NUDT6: variants seen among roughly 807,000 people sequenced by gnomAD.
NUDT6 encodes the protein FAD diphosphatase NUDT6.
In NUDT6, 24 loss-of-function variants were observed where a neutral mutation model predicts 36.8. The observed-to-expected ratio is 0.65, with a 90% CI of 0.47 to 0.92. The LOEUF (loss-of-function observed/expected upper bound fraction) is 0.92, where lower values mean the gene tolerates loss of function less well. Among genes scored for constraint, NUDT6 ranks in the 40% least tolerant of loss-of-function variants. NUDT6 has a pLI of 0.00. For synonymous variants in NUDT6, 163 were observed against 157.0 expected (o/e 1.04, Z -0.29); for missense variants, 388 against 392.8 (o/e 0.99, Z 0.10).
chr4:122,922,798 C>T, upstream of NUDT6: 1 of 580,344 alleles, frequency 1.7e-6, no homozygotes, highest in Non-Finnish European at 3.0e-6. Flanking sequence ...CACCGCCACT[C>T]ACTTATTTTG....
intron 3 of NUDT6, among the ~76,000 whole-genome samples, chr4:122,900,270 T>G: frequency 6.6e-6 from 1 of 151,470 alleles, no homozygotes; most frequent in Admixed American, 6.6e-5. Flanking sequence ...CTTTCTACAA[T>G]TTTTGCCACC....
Position 122,892,638 on chromosome 4 carries a change from C to G in NUDT6, c.*190G>C, listed in dbSNP as rs1391888480. On this transcript the variant is annotated 3_prime_UTR_variant, in exon 5 of 5. Transcript: ENST00000304430. ...GTTACCCAGTGAAGCTTACCTAGAG[C>G]AATGATCTTTTTCACGCATTTGCTT... 3.9e-5 allele frequency: 55 copies of G among 1,419,322 alleles called. 1 individual carries two copies. In the East Asian group the frequency reaches 1.4e-3, roughly 36 times the overall value. The allele number at this position is 1,419,322 out of a possible 1,614,324, so 87.9% of individuals were successfully genotyped here. A position where few individuals can be genotyped will look rare whatever the true frequency, so the allele number is the denominator to read the frequency against.
chr4:122,904,014 A>G (rs1727571619), intron 3 of NUDT6, among the ~76,000 whole-genome samples: 1 of 152,134 alleles, frequency 6.6e-6, no homozygotes. Flanking sequence ...CATAATGATG[A>G]CTCTAAACTG....
At chr4:122,901,329 C>T (rs918513245) in intron 3 of NUDT6, among the ~76,000 whole-genome samples, 1 of 151,714 alleles carries the variant, frequency 6.6e-6, no homozygotes, top group Admixed American at 6.6e-5. Context: ...GGTATAGTAT[C>T]CTTTTAACTT....
chr4:122,907,033 G>A (rs1727629234), intron 3 of NUDT6, among the ~76,000 whole-genome samples: 1 of 152,170 alleles, frequency 6.6e-6, no homozygotes, highest in African/African-American at 2.4e-5. Context: ...TCATGAATAA[G>A]CCAACACTTG....
At position 122,906,633 on chromosome 4, in the gene NUDT6, G is replaced by T. The variant is rs560071881; in HGVS notation, c.498+5935C>A. ...GTGTTTAGAAGTATAGTTGTCAGAG[G>T]TGTTTAAATCAGAGTGACCCCATCT... On this transcript the variant is annotated intron_variant, in intron 3 of 4. Coordinates refer to ENST00000304430, the MANE Select transcript of NUDT6 (RefSeq NM_007083.5). Among the ~76,000 whole-genome samples, 38 of 152,262 alleles carry T rather than the reference G, an allele frequency of 2.5e-4. No homozygotes were observed. In the Middle Eastern group the frequency reaches 0.01, roughly 41 times the overall value.
Position 122,922,467 on chromosome 4 carries a change from C to G in NUDT6, c.106G>C (p.Val36Leu), listed in dbSNP as rs540881904. The change falls in exon 1 of 5, where the codon GTG becomes CTG. Residue 36 changes from valine to leucine, a missense_variant. By Grantham distance (32) the Val-to-Leu change is conservative (BLOSUM62 1). Transcript: ENST00000304430. ...YRWASGAQGYVRNPPVGACDL... is the reference protein window; with the variant it reads ...YRWASGAQGYLRNPPVGACDL... Reference sequence around the variant, plus strand: ...CACGCTCCAACTGGCGGATTCCGCACGTAACCCTGTGCGCCCGAGGCCCAG... The same window carrying G: ...CACGCTCCAACTGGCGGATTCCGCAGGTAACCCTGTGCGCCCGAGGCCCAG... The G allele has an allele frequency of 8.7e-5, 141 of 1,612,028 alleles. 2 individuals carry two copies. In the South Asian group the frequency reaches 1.3e-3, roughly 15 times the overall value.
At chr4:122,895,483 T>G (rs77571189) in intron 4 of NUDT6, 1 of 152,198 alleles carries the variant, frequency 6.6e-6, no homozygotes. Flanking sequence ...GAATGTGGGT[T>G]TTCCTGGTGT....
chr4:122,917,978 C>T (rs1461773533), intron 1 of NUDT6: 2 of 402,718 alleles, frequency 5.0e-6, no homozygotes, highest in South Asian at 3.0e-5. Flanking sequence ...TGGCACGTAA[C>T]AGATGTTCTG....
chr4:122,922,733 C>T (rs1410623006), upstream of NUDT6: 5 of 630,160 alleles, frequency 7.9e-6, no homozygotes, highest in Non-Finnish European at 1.3e-5. Flanking sequence ...AGTGGTCCAC[C>T]AGCCCTTCTC....
chr4:122,910,190 T>C (rs1727705006), intron 3 of NUDT6, among the ~76,000 whole-genome samples: 1 of 152,194 alleles, frequency 6.6e-6, no homozygotes. Context: ...AATTCTTTCC[T>C]TTTCAATTAC....
At chr4:122,921,023 C>T (rs953578005) in intron 1 of NUDT6, 4 of 152,230 alleles carry the variant, frequency 2.6e-5, no homozygotes, top group East Asian at 1.9e-4. Context: ...TTATAAAACC[C>T]TCAGAGGCCG....
chr4:122,913,358 A>G (rs886523302), intron 2 of NUDT6: 5 of 152,126 alleles, frequency 3.3e-5, no homozygotes, highest in African/African-American at 1.2e-4. Flanking sequence ...AAGGACACTA[A>G]TCCCATTCAT....
At chr4:122,916,057 T>C (rs1199491552) in intron 2 of NUDT6, among the ~76,000 whole-genome samples, 2 of 152,190 alleles carry the variant, frequency 1.3e-5, no homozygotes, top group African/African-American at 4.8e-5. Context: ...CTTACTATTA[T>C]AGTTTTTCTA....
At chr4:122,894,976 G>A (rs1727306408) in intron 4 of NUDT6, 1 of 152,162 alleles carries the variant, frequency 6.6e-6, no homozygotes, top group African/African-American at 2.4e-5. Flanking sequence ...CACTGGATGG[G>A]GGTAGTGAGC....
intron 1 of NUDT6, chr4:122,921,985 T>C (rs911194602): frequency 7.8e-6 from 2 of 256,192 alleles, no homozygotes; most frequent in African/African-American, 4.4e-5. Flanking sequence ...ATGTGCATTA[T>C]CCAAATTAAC....
intron 1 of NUDT6, 151 bp downstream of exon 1, chr4:122,922,184 G>T: frequency 1.7e-6 from 1 of 585,820 alleles, no homozygotes; most frequent in Non-Finnish European, 2.8e-6. Context: ...AAGCACGAAT[G>T]CTCCAGAAAA....
In NUDT6 at chr4:122,892,631, C is replaced by CCTAG; in HGVS notation, c.*193_*196dup. The CCTAG allele has an allele frequency of 7.0e-7, 1 of 1,424,912 alleles. No homozygotes were observed. Among genetic ancestry groups the CCTAG allele is most frequent in the Non-Finnish European group, 9.2e-7 (1 of 1,091,452 alleles). The allele number at this position is 1,424,912 out of a possible 1,614,324, so 88.3% of individuals were successfully genotyped here. ...ATCTGCTGTTACCCAGTGAAGCTTA[C>CCTAG]CTAGAGCAATGATCTTTTTCACGCA... On this transcript the variant is annotated 3_prime_UTR_variant, in exon 5 of 5. Coordinates refer to ENST00000304430, the MANE Select transcript of NUDT6 (RefSeq NM_007083.5).
chr4:122,901,361 C>A (rs1048074371), intron 3 of NUDT6, among the ~76,000 whole-genome samples: 1 of 152,020 alleles, frequency 6.6e-6, no homozygotes, highest in Admixed American at 6.6e-5. Context: ...TGATTTTAAA[C>A]CATATTTAGA....
Sources: gnomAD v4.1 joint callset for allele counts (sites outside exome capture counted in the v4.1 genomes callset) on GRCh38, gnomAD v4.1.1 for gene constraint, MANE v1.5 for transcripts, NCBI Gene and HGNC (gene_info 2026-07-23, HGNC 2026-07-21) for gene names.